The following CHTF18 variants were observed in gnomAD, a reference collection of about 807,000 sequenced individuals.
The protein encoded by CHTF18 is chromosome transmission fidelity factor 18, also known as chromosome transmission fidelity protein 18 homolog.
CHTF18 carries 151 observed loss-of-function variants against 113.4 expected under a neutral mutation model. That is an observed-to-expected ratio of 1.33 (90% confidence interval 1.17 to 1.52). CHTF18 has a LOEUF of 1.52. Among genes scored for constraint, CHTF18 ranks in the 40% most tolerant of loss-of-function variants. CHTF18 has a pLI of 0.00. For missense variants in CHTF18, 1,982 were observed against 1,381.6 expected, an observed-to-expected ratio of 1.43 and a Z score of -6.89; for synonymous variants, 916 against 598.8, an observed-to-expected ratio of 1.53 and a Z score of -7.74.
chr16:790,113 G>T (rs769201550), intron 4 of CHTF18, 64 bp from the exon 5 acceptor site: 131 of 1,543,766 alleles, frequency 8.5e-5, no homozygotes, highest in Middle Eastern at 5.0e-4. Flanking sequence ...AGCACTGATG[G>T]GGGCTGACGT....
intron 20 of CHTF18, 31 bp downstream of exon 20, chr16:797,123 C>T: frequency 1.3e-6 from 2 of 1,491,428 alleles, no homozygotes; most frequent in African/African-American, 1.4e-5. Flanking sequence ...GGGGTGGGAC[C>T]AGGGTACATA....
Position 793,045 on chromosome 16 carries a change from C to T in CHTF18, c.1652C>T (p.Ala551Val), listed in dbSNP as rs770747467. 3 of 1,524,552 alleles carry T rather than the reference C, an allele frequency of 2.0e-6. No homozygotes were observed. Among genetic ancestry groups the T allele is most frequent in the African/African-American group, 2.7e-5 (2 of 72,924 alleles). 94.4% of individuals were successfully genotyped at this position (1,524,552 alleles called of 1,614,324 possible). The part of the protein sequence containing the change: ...LCEKTDNDIR[A>V]CINTLQFLYS... ...GAGAAAACTGACAATGACATCCGGG[C>T]CTGCATCAACACCCTGCAGGTGGGC... Residue 551 changes from alanine (A) to valine (V), a missense_variant, in exon 13 of 22, where the codon GCC (alanine) becomes GTC (valine). Physicochemically the swap from Ala to Val is moderately conservative, Grantham distance 64. Transcript: ENST00000262315.
At chr16:792,938 G>A (rs767835230) in intron 12 of CHTF18, 28 bp from the exon 13 acceptor site, 6 of 1,546,762 alleles carry the variant, frequency 3.9e-6, no homozygotes, top group South Asian at 1.2e-5. Context: ...GCATACCATC[G>A]GGCCCTCCAG....
rs1384413560 is a variant in CHTF18, at chr16:793,009, C to G, written c.1616C>G (p.Ala539Gly). ...QGMRADPGVL[A>G]ALCEKTDNDI... ...ATGAGGGCCGACCCAGGGGTGCTGG[C>G]CGCCCTCTGTGAGAAAACTGACAAT... The change falls in exon 13 of 22, where the codon GCC becomes GGC. Residue 539 changes from alanine (A) to glycine (G), a missense_variant. Ala to Gly is a moderately conservative substitution (Grantham distance 60). Transcript: ENST00000262315. 3.2e-6 allele frequency: 5 copies of G among 1,566,466 alleles called. No individual in the cohort carries two copies. In the East Asian group the frequency reaches 1.2e-4, roughly 38 times the overall value.
chr16:796,498 TTCA>T (rs1471267162), intron 18 of CHTF18: 2 of 602,826 alleles, frequency 3.3e-6, no homozygotes, highest in East Asian at 2.9e-5. Flanking sequence ...ATCGGCAGGT[TTCA>T]TCATCATCCC....
intron 1 of CHTF18, 73 bp from the exon 2 acceptor site, chr16:788,858 A>G: frequency 6.6e-7 from 1 of 1,511,916 alleles, no homozygotes; most frequent in Non-Finnish European, 8.8e-7. Context: ...CCGGGGGCCG[A>G]AGGGGCCTCC....
chr16:791,873 C>T lies in CHTF18; in HGVS notation c.1127C>T (p.Pro376Leu), dbSNP rs534231266. The change falls in exon 9 of 22, where the codon CCG becomes CTG. Residue 376 changes from proline to leucine, a missense_variant. Transcript: ENST00000262315. The stretch of plus-strand genomic sequence containing the variant: ...CAGGTGGCACTGCTCTGTGGGCCCC[C>T]GGGGCTGGGGAAGACCACCCTGGCA... ...KQKVALLCGP[P>L]GLGKTTLAHV... is the part of the protein sequence containing the mutation. 67 of 1,607,522 alleles carry T rather than the reference C, an allele frequency of 4.2e-5. No homozygotes were observed. The highest frequency in any genetic ancestry group is 1.7e-4 in the Middle Eastern group (1 of 6,050).
rs1405412052 is a variant in CHTF18 at position 797,067 on chromosome 16, T to C, written c.2708T>C (p.Met903Thr). Reference sequence around the variant, plus strand: ...CATGAGCAGCGGCTGGAGCACATCATGAGGCGAGCGGCCCGGGAGGAACAG... The same window carrying C: ...CATGAGCAGCGGCTGGAGCACATCACGAGGCGAGCGGCCCGGGAGGAACAG... ...RNHEQRLEHI[M>T]RRAAREEQPE... The change falls in exon 20 of 22, where the codon ATG (methionine) becomes ACG (threonine). Residue 903 changes from methionine to threonine, a missense_variant. By Grantham distance (81) the Met-to-Thr change is moderately conservative. Coordinates refer to ENST00000262315, the MANE Select transcript of CHTF18 (RefSeq NM_022092.3). The C allele has an allele frequency of 1.9e-6, 3 of 1,544,262 alleles. No individual in the cohort carries two copies. The highest frequency in any genetic ancestry group is 2.0e-5 in the Admixed American group (1 of 50,166).
At chr16:796,622 G>A in intron 18 of CHTF18, 95 bp from the exon 19 acceptor site, 2 of 1,390,618 alleles carry the variant, frequency 1.4e-6, no homozygotes, top group South Asian at 2.9e-5. Context: ...CTCTGGCCTT[G>A]TGGCTTTTGG....
Position 795,696 on chromosome 16 carries a change from G to C in CHTF18, c.2187G>C (p.Arg729=), listed in dbSNP as rs1486303454. Residue 729 remains arginine (R), a synonymous_variant, in exon 17 of 22, where the codon CGG becomes CGC. Coordinates refer to ENST00000262315, the MANE Select transcript of CHTF18 (RefSeq NM_022092.3). ...FPSSQQEAQN[R]MSQMRNLIQT... is the part of the protein sequence containing the mutation. ...ACCCCCTGCCCCAGGCCCAGAACCG[G>C]ATGAGCCAGATGAGGAACCTGATCC... The C allele has an allele frequency of 6.3e-7, 1 of 1,598,970 alleles. No homozygotes were observed. The highest frequency in any genetic ancestry group is 8.5e-7 in the Non-Finnish European group (1 of 1,175,788).
intron 8 of CHTF18, 51 bp downstream of exon 8, chr16:791,421 G>A (rs1036936586): frequency 1.1e-5 from 17 of 1,527,040 alleles, no homozygotes; most frequent in Admixed American, 5.9e-5. Context: ...CTTTGCACTC[G>A]GCGCCGGCAC....
At position 792,605 on chromosome 16, in the gene CHTF18, G is replaced by C. The variant is rs140200915; in HGVS notation, c.1478+15G>C. The C allele has an allele frequency of 2.7e-5, 43 of 1,592,574 alleles. No individual in the cohort carries two copies. In the African/African-American group the frequency reaches 5.7e-4, roughly 21 times the overall value. On this transcript the variant is annotated intron_variant, in intron 11 of 21. Coordinates refer to ENST00000262315, the MANE Select transcript of CHTF18 (RefSeq NM_022092.3). ...TGCAATGACCAGTGAGTGCATGGGCGGGCGCCACAGTCAGGAGAGGCTCTG... is the reference window on the plus strand; with the variant it reads ...TGCAATGACCAGTGAGTGCATGGGCCGGCGCCACAGTCAGGAGAGGCTCTG...
At chr16:793,357 C>G in intron 14 of CHTF18, 83 bp downstream of exon 14, 2 of 1,506,120 alleles carry the variant, frequency 1.3e-6, no homozygotes, top group Non-Finnish European at 1.8e-6. Context: ...GCCAGCACTA[C>G]CTTCGAGGCG....
chr16:792,936 T>A (rs1339002055), intron 12 of CHTF18, 30 bp from the exon 13 acceptor site: 1 of 1,546,208 alleles, frequency 6.5e-7, no homozygotes, highest in Admixed American at 2.0e-5. Context: ...GGGCATACCA[T>A]CGGGCCCTCC....
rs182412368 is a variant in CHTF18, at chr16:791,671, G to A, written c.1105-180G>A. ...TCTGCACGAACTTTGCTTTGTGTAG[G>A]TTTTTTTTTCCGTTGCCATCTTGGT... On this transcript the variant is annotated intron_variant, in intron 8 of 21. Transcript: ENST00000262315. The A allele has an allele frequency of 8.7e-4, 1,215 of 1,400,868 alleles. 11 individuals carry two copies. In the South Asian group the frequency reaches 0.01, roughly 12 times the overall value. 86.8% of individuals were successfully genotyped at this position (1,400,868 alleles called of 1,614,324 possible). A position where few individuals can be genotyped will look rare whatever the true frequency, so the allele number is the denominator to read the frequency against.
At chr16:794,352 CTG>C (rs1300062286) in intron 15 of CHTF18, among the ~76,000 whole-genome samples, 151 bp downstream of exon 15, 1 of 151,916 alleles carries the variant, frequency 6.6e-6, no homozygotes, top group African/African-American at 2.4e-5. Context: ...CAGGAAGTCT[CTG>C]AGGTGGGGAG....
intron 14 of CHTF18, chr16:793,521 G>A (rs2151646298): frequency 3.3e-6 from 2 of 599,474 alleles, no homozygotes; most frequent in Non-Finnish European, 3.0e-6. Flanking sequence ...GTGTGGTGGG[G>A]CCTCCAGGGC....
chr16:791,126 C>T (rs1428402071), intron 7 of CHTF18, 35 bp from the exon 8 acceptor site: 1 of 1,584,538 alleles, frequency 6.3e-7, no homozygotes, highest in African/African-American at 1.3e-5. Context: ...AGGCGGTGCC[C>T]TCAGGCTGTG....
intron 3 of CHTF18, 21 bp downstream of exon 3, chr16:789,381 C>T (rs746146949): frequency 8.3e-6 from 13 of 1,563,272 alleles, no homozygotes; most frequent in Admixed American, 1.8e-5. Context: ...TGGACATGGG[C>T]GTCCCATCCC....
Sources: gnomAD v4.1 joint callset for allele counts (sites outside exome capture counted in the v4.1 genomes callset) on GRCh38, gnomAD v4.1.1 for gene constraint, MANE v1.5 for transcripts, NCBI Gene and HGNC (gene_info 2026-07-23, HGNC 2026-07-21) for gene names.